Variants in RNASE11 observed in about 807,000 individuals in gnomAD.
RNASE11 encodes the protein ribonuclease A family member 11 (inactive).
For synonymous variants in RNASE11, 105 were observed against 86.1 expected (o/e 1.22, Z -1.21); for missense variants, 252 against 237.8 (o/e 1.06, Z -0.39).
upstream of RNASE11, chr14:20,590,208 G>C: frequency 1.9e-6 from 3 of 1,573,712 alleles, no homozygotes; most frequent in Non-Finnish European, 1.7e-6. Context: ...CCACGGTCCA[G>C]GTCTGCCTCA....
At chr14:20,584,346 G>C (rs943754202) in exon 2 of RNASE11, 3 of 1,613,902 alleles carry the variant, frequency 1.9e-6, no homozygotes, top group Non-Finnish European at 1.7e-6. Flanking sequence ...GTTTTTCTTG[G>C]CCACTTTTTG....
exon 2 of RNASE11, chr14:20,583,914 A>G: frequency 1.2e-6 from 2 of 1,613,792 alleles, no homozygotes; most frequent in Non-Finnish European, 1.7e-6. Context: ...TCATCAGAGA[A>G]TGACCTGTCA....
Position 20,583,875 on chromosome 14 carries a change from T to A in RNASE11, c.600A>T (p.Ter200TyrextTer22), listed in dbSNP as rs748447097. 6.2e-6 allele frequency: 10 copies of A among 1,603,120 alleles called. No individual in the cohort carries two copies. In the South Asian group the frequency reaches 1.1e-4, roughly 18 times the overall value. ...CCCTAGTCCTAAAGCTCTGTGGGAT[T>A]TACAACTTAGAGCCACAAACTAACC... Residue 200 changes from the stop codon to tyrosine, a stop_lost, in exon 2 of 2, where the codon TAA (stop) becomes TAT (tyrosine). Coordinates refer to ENST00000553849, the Ensembl canonical transcript of RNASE11.
chr14:20,583,823 A>T, exon 2 of RNASE11: 1 of 1,513,214 alleles, frequency 6.6e-7, no homozygotes, highest in Non-Finnish European at 8.9e-7. Flanking sequence ...ACAAGAATGA[A>T]CAAGAAGAGG....
exon 2 of RNASE11, chr14:20,584,175 G>A (rs1884378077): frequency 6.2e-7 from 1 of 1,614,204 alleles, no homozygotes; most frequent in African/African-American, 1.3e-5. Context: ...AGACTGTCAT[G>A]TCATTGCAAC....
At chr14:20,584,934 G>T in intron 1 of RNASE11, 1 of 309,396 alleles carries the variant, frequency 3.2e-6, no homozygotes, top group Non-Finnish European at 4.7e-6. Flanking sequence ...GCACATGGTA[G>T]CCACTCGAAA....
intron 1 of RNASE11, among the ~76,000 whole-genome samples, chr14:20,586,009 A>G (rs1352320021): frequency 1.3e-5 from 2 of 151,836 alleles, no homozygotes; most frequent in Admixed American, 1.3e-4. Flanking sequence ...CCCCTTCCTG[A>G]CCCTCCAATT....
upstream of RNASE11, chr14:20,587,833 C>T: frequency 3.0e-6 from 3 of 985,436 alleles, no homozygotes; most frequent in Non-Finnish European, 3.6e-6. Context: ...TTACAAAAGA[C>T]AGAGCTAACA....
At chr14:20,588,840 G>T (rs1009404117), upstream of RNASE11, among the ~76,000 whole-genome samples, 4 of 152,186 alleles carry the variant, frequency 2.6e-5, no homozygotes, top group African/African-American at 9.7e-5. Flanking sequence ...AGGCTGGAGT[G>T]CAATGGCATG....
Position 20,584,382 on chromosome 14 carries a change from T to C in RNASE11, c.93A>G (p.Thr31=), listed in dbSNP as rs745657439. 1.9e-6 allele frequency: 3 copies of C among 1,614,226 alleles called. No individual in the cohort carries two copies. In the South Asian group the frequency reaches 3.3e-5, roughly 18 times the overall value. Residue 31 remains threonine, a synonymous_variant, in exon 2 of 2, where the codon ACA becomes ACG. Coordinates refer to ENST00000553849, the Ensembl canonical transcript of RNASE11. ...CCATGTCATATTGCATCTCTTCGTC[T>C]GTAAATTCTTCTTTAATTATCTTCA...
At chr14:20,589,075 C>G (rs1884500123), upstream of RNASE11, among the ~76,000 whole-genome samples, 1 of 152,074 alleles carries the variant, frequency 6.6e-6, no homozygotes, top group Admixed American at 6.5e-5. Context: ...GCATGAGCCA[C>G]CACGCCTGGC....
At chr14:20,584,056 A>G in exon 2 of RNASE11, 1 of 1,614,148 alleles carries the variant, frequency 6.2e-7, no homozygotes, top group African/African-American at 1.3e-5. Flanking sequence ...AGGATTCTGT[A>G]CAAACTTGCA....
At chr14:20,590,222 A>T, upstream of RNASE11, 1 of 1,586,810 alleles carries the variant, frequency 6.3e-7, no homozygotes, top group Non-Finnish European at 8.6e-7. Context: ...TGCCTCAGGC[A>T]CAGCCAGCTC....
upstream of RNASE11, chr14:20,590,080 T>G (rs1884534254): frequency 9.4e-7 from 1 of 1,063,270 alleles, no homozygotes; most frequent in African/African-American, 1.6e-5. Flanking sequence ...GAATTTATGG[T>G]TTAATTCAGT....
At chr14:20,587,323 G>C (rs1473276738) in intron 1 of RNASE11, among the ~76,000 whole-genome samples, 1 of 152,156 alleles carries the variant, frequency 6.6e-6, no homozygotes, top group East Asian at 1.9e-4. Context: ...GTTCATCTCA[G>C]TTATACTTTT....
At chr14:20,584,828 A>T (rs1188744802) in intron 1 of RNASE11, among the ~76,000 whole-genome samples, 2 of 152,202 alleles carry the variant, frequency 1.3e-5, no homozygotes, top group Non-Finnish European at 2.9e-5. Flanking sequence ...CTATAATCTC[A>T]TTGGTGGGGT....
upstream of RNASE11, chr14:20,587,924 T>A (rs1316917082): frequency 8.1e-6 from 7 of 868,174 alleles, no homozygotes; most frequent in Non-Finnish European, 8.3e-6. Context: ...GTCTCTCAAC[T>A]GAAAAGATCA....
exon 2 of RNASE11, chr14:20,584,255 T>A (rs35818240): frequency 0.062 from 99,795 of 1,614,054 alleles, 3,608 homozygotes; most frequent in African/African-American, 0.14. Context: ...GTCAGTAATG[T>A]GGAAGACATA....
intron 1 of RNASE11, among the ~76,000 whole-genome samples, chr14:20,586,921 G>A (rs1448473940): frequency 6.6e-6 from 1 of 152,170 alleles, no homozygotes; most frequent in Non-Finnish European, 1.5e-5. Context: ...AGGCCAATGC[G>A]GGAGGATCAC....
Sources: allele counts gnomAD v4.1 joint callset (sites outside exome capture counted in the v4.1 genomes callset), GRCh38; gene constraint gnomAD v4.1.1; transcripts MANE v1.5; gene names NCBI Gene and HGNC (gene_info 2026-07-23, HGNC 2026-07-21).